Variants in CLEC16A observed in about 807,000 individuals in gnomAD.
The protein encoded by CLEC16A is protein CLEC16A.
A neutral mutation model predicts 109.5 loss-of-function variants in CLEC16A; 51 were observed. The ratio of observed to expected loss-of-function variants is 0.47; its 90% CI spans 0.37 to 0.59. CLEC16A has a LOEUF of 0.59. CLEC16A is among the 20% of genes least tolerant of loss of function. The pLI is 0.00. For synonymous variants in CLEC16A, 673 were observed against 564.2 expected (o/e 1.19, Z -2.73); for missense variants, 1,339 against 1,394.0 (o/e 0.96, Z 0.63).
At chr16:11,135,221 G>T (rs2053486714) in intron 22 of CLEC16A, among the ~76,000 whole-genome samples, 2 of 152,180 alleles carry the variant, frequency 1.3e-5, no homozygotes, top group Admixed American at 1.3e-4. Flanking sequence ...TCAAAAATCA[G>T]CCCTGAGCTG....
chr16:11,120,827 C>A, intron 20 of CLEC16A, 61 bp downstream of exon 20: 1 of 1,256,086 alleles, frequency 8.0e-7, no homozygotes, highest in Non-Finnish European at 1.1e-6. Flanking sequence ...CACACACACA[C>A]ACACACACAC....
At chr16:11,143,091 C>G (rs561785875) in intron 22 of CLEC16A, among the ~76,000 whole-genome samples, 1 of 152,248 alleles carries the variant, frequency 6.6e-6, no homozygotes, top group Non-Finnish European at 1.5e-5. Context: ...GGATTACAGG[C>G]ATGACCCACT....
intron 18 of CLEC16A, among the ~76,000 whole-genome samples, chr16:11,055,265 G>A (rs892798803): frequency 6.6e-6 from 1 of 152,222 alleles, no homozygotes; most frequent in Non-Finnish European, 1.5e-5. Flanking sequence ...GAAAGAAACA[G>A]CATGCCATAG....
At chr16:11,143,442 C>T (rs940242894) in intron 22 of CLEC16A, among the ~76,000 whole-genome samples, 1 of 152,206 alleles carries the variant, frequency 6.6e-6, no homozygotes, top group African/African-American at 2.4e-5. Context: ...CCAGTGGCAG[C>T]AGGCTGGGTG....
At position 11,017,735 on chromosome 16, in the gene CLEC16A, C is replaced by G. The variant is rs568386777; in HGVS notation, c.1304-2458C>G. Among the ~76,000 whole-genome samples the G allele has an allele frequency of 5.3e-5, 8 of 152,258 alleles. No homozygotes were observed. In the East Asian group the frequency reaches 1.5e-3, roughly 29 times the overall value. The stretch of plus-strand genomic sequence containing the variant: ...CCCTCTGTGGTCCTCCTCCTCAAAA[C>G]CTGTAACCCCAGTCTAAATAGCAGA... On this transcript the variant is annotated intron_variant, in intron 11 of 23. Transcript: ENST00000409790.
chr16:10,971,012 T>C, intron 4 of CLEC16A, 113 bp from the exon 5 acceptor site: 1 of 592,546 alleles, frequency 1.7e-6, no homozygotes, highest in African/African-American at 1.9e-5. Context: ...GGCAACATTT[T>C]TTTTTTTTTT....
rs776991598 is a variant in CLEC16A at position 11,123,931 on chromosome 16, A to G, written c.2458A>G (p.Met820Val). The change falls in exon 21 of 24, where the codon ATG becomes GTG. Residue 820 changes from methionine (M) to valine (V), a missense_variant. Physicochemically the swap from Met to Val is conservative, Grantham distance 21 (BLOSUM62 1). Coordinates refer to ENST00000409790, the MANE Select transcript of CLEC16A (RefSeq NM_015226.3). ...KGRIQARRMKMQRIAALLDLP... is the reference protein window; with the variant it reads ...KGRIQARRMKVQRIAALLDLP... The stretch of plus-strand genomic sequence containing the variant: ...CCGCATCCAGGCAAGGCGCATGAAG[A>G]TGCAGAGAATAGCTGGTGAGTGGCT... 3.1e-6 allele frequency: 5 copies of G among 1,610,486 alleles called. No individual in the cohort carries two copies. The highest frequency in any genetic ancestry group is 4.2e-6 in the Non-Finnish European group (5 of 1,178,430).
At chr16:10,955,599 A>G (rs1236567929) in intron 1 of CLEC16A, among the ~76,000 whole-genome samples, 6 of 152,326 alleles carry the variant, frequency 3.9e-5, no homozygotes, top group South Asian at 2.1e-4. Flanking sequence ...AGAAAGCCCC[A>G]TCAATTGAAG....
chr16:11,135,799 G>A (rs956487600), intron 22 of CLEC16A, among the ~76,000 whole-genome samples: 2 of 152,260 alleles, frequency 1.3e-5, no homozygotes, highest in Non-Finnish European at 2.9e-5. Context: ...GCACAGCACA[G>A]GCCAGTGTCA....
At chr16:11,075,410 G>GTT (rs71136612) in intron 19 of CLEC16A, among the ~76,000 whole-genome samples, 24 of 99,598 alleles carry the variant, frequency 2.4e-4, no homozygotes, top group African/African-American at 9.1e-4. Context: ...GTGTGTGTGT[G>GTT]TCTGTGTGTG....
At chr16:11,144,250 C>T (rs2053960563) in intron 22 of CLEC16A, among the ~76,000 whole-genome samples, 1 of 152,214 alleles carries the variant, frequency 6.6e-6, no homozygotes, top group African/African-American at 2.4e-5. Context: ...GAGTGAACAT[C>T]CATCCTCTTG....
At chr16:10,966,966 C>A (rs2042541742) in intron 3 of CLEC16A, among the ~76,000 whole-genome samples, 1 of 152,150 alleles carries the variant, frequency 6.6e-6, no homozygotes, top group African/African-American at 2.4e-5. Context: ...TACATAACCC[C>A]ATCTTTAAAA....
intron 23 of CLEC16A, among the ~76,000 whole-genome samples, chr16:11,173,699 C>G (rs1473696046): frequency 6.6e-6 from 1 of 152,158 alleles, no homozygotes; most frequent in Non-Finnish European, 1.5e-5. Flanking sequence ...TGCCAGTCCT[C>G]CAGCCACACA....
chr16:11,043,492 A>G lies in CLEC16A; in HGVS notation c.1771-536A>G, dbSNP rs568179296. ...ATTAACTGTATATTAACAGCTTCTC[A>G]TGCCATTACAATCGAATTACCTATC... On this transcript the variant is annotated intron_variant, in intron 15 of 23. Coordinates refer to ENST00000409790, the MANE Select transcript of CLEC16A (RefSeq NM_015226.3). Among the ~76,000 whole-genome samples, 14 of 152,284 alleles carry G rather than the reference A, an allele frequency of 9.2e-5. 1 individual carries two copies. In the South Asian group the frequency reaches 2.7e-3, roughly 29 times the overall value.
intron 1 of CLEC16A, among the ~76,000 whole-genome samples, chr16:10,946,371 T>C (rs2041372421): frequency 6.6e-6 from 1 of 152,118 alleles, no homozygotes. Context: ...GGAGCAGCAT[T>C]TAGTAAACGT....
intron 12 of CLEC16A, among the ~76,000 whole-genome samples, chr16:11,022,628 A>T (rs555850025): frequency 6.6e-6 from 1 of 152,022 alleles, no homozygotes; most frequent in Non-Finnish European, 1.5e-5. Context: ...GGCCGGGTGC[A>T]GTGGCTCATG....
At chr16:11,016,483 G>A (rs919469417) in intron 11 of CLEC16A, among the ~76,000 whole-genome samples, 3 of 151,890 alleles carry the variant, frequency 2.0e-5, no homozygotes, top group African/African-American at 4.8e-5. Flanking sequence ...CCAGTAGTTG[G>A]GATTACAGGC....
chr16:11,145,577 T>C (rs1217951146), intron 22 of CLEC16A, among the ~76,000 whole-genome samples: 1 of 152,274 alleles, frequency 6.6e-6, no homozygotes, highest in Non-Finnish European at 1.5e-5. Flanking sequence ...ATATGGTCTC[T>C]GTCGCAACAA....
At chr16:11,134,554 A>T (rs1276906204) in intron 22 of CLEC16A, among the ~76,000 whole-genome samples, 2 of 152,114 alleles carry the variant, frequency 1.3e-5, no homozygotes, top group East Asian at 3.8e-4. Context: ...AATATTCCTT[A>T]TCCAAGATGC....
Sources: gnomAD v4.1 joint callset for allele counts (sites outside exome capture counted in the v4.1 genomes callset) on GRCh38, gnomAD v4.1.1 for gene constraint, MANE v1.5 for transcripts, NCBI Gene and HGNC (gene_info 2026-07-23, HGNC 2026-07-21) for gene names.